The following KDM8 variants were observed in gnomAD, a reference collection of about 807,000 sequenced individuals.
KDM8 encodes bifunctional peptidase and arginyl-hydroxylase JMJD5.
A neutral mutation model predicts 46.9 loss-of-function variants in KDM8; 35 were observed. The observed-to-expected ratio is 0.75, with a 90% confidence interval of 0.57 to 0.99. KDM8 has a LOEUF of 0.99. Among genes scored for constraint, KDM8 ranks in the 50% least tolerant of loss-of-function variants. KDM8 has a pLI of 0.00. For missense variants in KDM8, 475 were observed against 537.0 expected (o/e 0.88, Z 1.14); for synonymous variants, 232 against 227.7 (o/e 1.02, Z -0.17).
chr16:27,217,712 C>T (rs955393037), intron 5 of KDM8, among the ~76,000 whole-genome samples: 1 of 152,218 alleles, frequency 6.6e-6, no homozygotes, highest in African/African-American at 2.4e-5. Context: ...CTGAAGTTAC[C>T]GTCACTGCTC....
rs932220741 is a variant in KDM8 at position 27,220,275 on chromosome 16, G to A, written c.994-118G>A. ...ACGTGGAACCATAAGCATGTGTGTG[G>A]TGGGGAAGGGCAGGCTGGGCCCAGG... On this transcript the variant is annotated intron_variant, in intron 6 of 7. Transcript: ENST00000286096. 3 of 805,522 alleles carry A rather than the reference G, an allele frequency of 3.7e-6. No homozygotes were observed. The African/African-American group carries it at 5.1e-5, about 14-fold the overall frequency. 49.9% of individuals were successfully genotyped at this position (805,522 alleles called of 1,614,324 possible).
chr16:27,214,606 G>T (rs1048294867), intron 3 of KDM8: 28 of 420,620 alleles, frequency 6.7e-5, no homozygotes, highest in Admixed American at 1.4e-4. Flanking sequence ...TGAGGAGGCT[G>T]TTGGCAAGCA....
intron 2 of KDM8, chr16:27,211,453 G>C (rs1305569586): frequency 3.6e-6 from 1 of 276,338 alleles, no homozygotes; most frequent in East Asian, 9.3e-5. Flanking sequence ...TACTCTGAAG[G>C]CTTCAGGTCC....
chr16:27,210,161 C>T lies in KDM8; in HGVS notation c.38C>T (p.Ala13Val), dbSNP rs562440738. Reference protein sequence around the residue: ...GDTHCPAEPLAREGTLWEALR... With the variant: ...GDTHCPAEPLVREGTLWEALR... ...ACCCACTGCCCCGCAGAGCCCCTGGCCAGAGAAGGCACTTTATGGGAGGCC... is the reference window on the plus strand; with the variant it reads ...ACCCACTGCCCCGCAGAGCCCCTGGTCAGAGAAGGCACTTTATGGGAGGCC... The change falls in exon 2 of 8, where the codon GCC (alanine) becomes GTC (valine). Residue 13 changes from alanine (A) to valine (V), a missense_variant. Ala to Val is a moderately conservative substitution (Grantham distance 64). Transcript: ENST00000286096. The T allele has an allele frequency of 6.2e-7, 1 of 1,613,464 alleles. No individual in the cohort carries two copies. The highest frequency in any genetic ancestry group is 1.7e-5 in the Admixed American group (1 of 60,032).
intron 2 of KDM8, among the ~76,000 whole-genome samples, chr16:27,212,627 T>C (rs2083498030): frequency 6.6e-6 from 1 of 152,178 alleles, no homozygotes; most frequent in African/African-American, 2.4e-5. Flanking sequence ...CCAGCTACTC[T>C]GCAGGCTGAG....
intron 1 of KDM8, among the ~76,000 whole-genome samples, chr16:27,205,746 G>A (rs1308319935): frequency 1.3e-5 from 2 of 152,212 alleles, no homozygotes; most frequent in African/African-American, 2.4e-5. Context: ...GCAGAGGCAG[G>A]AGAATTGCTT....
At chr16:27,216,167 T>TG (rs1567265634) in intron 5 of KDM8, 178 bp downstream of exon 5, 2 of 649,600 alleles carry the variant, frequency 3.1e-6, no homozygotes, top group South Asian at 1.8e-5. Context: ...CAGGAAACAC[T>TG]GGGGGGTCGC....
In KDM8 at chr16:27,220,317, G is replaced by A. The variant is rs561749912; in HGVS notation, c.994-76G>A. The A allele has an allele frequency of 8.1e-6, 10 of 1,237,768 alleles. No individual in the cohort carries two copies. The South Asian group carries it at 9.6e-5, about 12-fold the overall frequency. The allele number at this position is 1,237,768 out of a possible 1,614,324, so 76.7% of individuals were successfully genotyped here. On this transcript the variant is annotated intron_variant, in intron 6 of 7. Transcript: ENST00000286096. ...GGGCCCAGGGAGCAGCATGTGGAAG[G>A]GCACAGAGGCCAGAGTGGGCTTGGG...
In KDM8 at chr16:27,210,108, AGCT is replaced by A; in HGVS notation, c.-14_-12del. On this transcript the variant is annotated 5_prime_UTR_variant, in exon 2 of 8. Transcript: ENST00000286096. ...ACCTCCCCAGGCACGGGACTGAACC[AGCT>A]GGTGGTGGCCCGATGGCTGGAGACA... 1 of 1,608,540 alleles carries A rather than the reference AGCT, an allele frequency of 6.2e-7. No individual in the cohort carries two copies. Among genetic ancestry groups the A allele is most frequent in the Non-Finnish European group, 8.5e-7 (1 of 1,177,456 alleles).
chr16:27,206,132 G>T (rs745641001), intron 1 of KDM8: 6 of 619,178 alleles, frequency 9.7e-6, no homozygotes, highest in African/African-American at 2.0e-5. Flanking sequence ...GCTCTCGAAG[G>T]CCAGTCTGTG....
rs149728125 is a variant in KDM8 at position 27,220,572 on chromosome 16, G to T, written c.1093G>T (p.Val365Leu). Residue 365 changes from valine (V) to leucine (L), a missense_variant, in exon 8 of 8, where the codon GTG becomes TTG. By Grantham distance (32) the Val-to-Leu change is conservative. Coordinates refer to ENST00000286096, the MANE Select transcript of KDM8 (RefSeq NM_024773.3). ...CGTCCTTTGCTTTCTTCAGGTTGAC[G>T]TGGAGAATCCCGACCTGGAAAAGTT... ...HLLHNTSQVD[V>L]ENPDLEKFPK... 3.1e-6 allele frequency: 5 copies of T among 1,614,050 alleles called. No homozygotes were observed. In the African/African-American group the frequency reaches 4.0e-5, roughly 13 times the overall value.
rs2083614370 is a variant in KDM8 at position 27,220,789 on chromosome 16, C to T, written c.*59C>T. On this transcript the variant is annotated 3_prime_UTR_variant, in exon 8 of 8. Coordinates refer to ENST00000286096, the MANE Select transcript of KDM8 (RefSeq NM_024773.3). ...ACAGCATTCATCTGTTCACTAATTT[C>T]CTGGGTCCTGGAATCTATAGAGACA... The T allele has an allele frequency of 1.3e-6, 2 of 1,583,560 alleles. No individual in the cohort carries two copies. The highest frequency in any genetic ancestry group is 1.7e-4 in the Middle Eastern group (1 of 6,000).
intron 1 of KDM8, chr16:27,204,090 A>G: frequency 6.5e-7 from 1 of 1,547,970 alleles, no homozygotes; most frequent in Non-Finnish European, 8.7e-7. Flanking sequence ...TCAGGTCCCA[A>G]ATATGAGCCG....
chr16:27,204,103 A>G, intron 1 of KDM8: 1 of 1,548,196 alleles, frequency 6.5e-7, no homozygotes, highest in Non-Finnish European at 8.7e-7. Context: ...ATGAGCCGCG[A>G]GAAATGCAGC....
Position 27,210,314 on chromosome 16 carries a change from G to A in KDM8, c.191G>A (p.Cys64Tyr), listed in dbSNP as rs1214749678. 1.2e-6 allele frequency: 2 copies of A among 1,613,338 alleles called. No homozygotes were observed. The highest frequency in any genetic ancestry group is 2.2e-5 in the South Asian group (2 of 91,090). Reference protein sequence around the residue: ...ELFYEGRRDECLQSSEVILDY... With the variant: ...ELFYEGRRDEYLQSSEVILDY... Reference sequence around the variant, plus strand: ...TTCTACGAGGGCAGGAGGGACGAGTGTCTGCAGAGCAGCGAGGTGATCCTG... The same window carrying A: ...TTCTACGAGGGCAGGAGGGACGAGTATCTGCAGAGCAGCGAGGTGATCCTG... The change falls in exon 2 of 8, where the codon TGT (cysteine) becomes TAT (tyrosine). Residue 64 changes from cysteine to tyrosine, a missense_variant. By Grantham distance (194) the Cys-to-Tyr change is radical. Coordinates refer to ENST00000286096, the MANE Select transcript of KDM8 (RefSeq NM_024773.3).
At chr16:27,206,018 T>G (rs2083425155) in intron 1 of KDM8, among the ~76,000 whole-genome samples, 1 of 152,218 alleles carries the variant, frequency 6.6e-6, no homozygotes, top group Non-Finnish European at 1.5e-5. Flanking sequence ...AGTTTTTTAC[T>G]GATGCAGACA....
rs537057069 is a variant in KDM8 at position 27,221,201 on chromosome 16, G to A, written c.*471G>A. 26 of 293,576 alleles carry A rather than the reference G, an allele frequency of 8.9e-5. No individual in the cohort carries two copies. The highest frequency in any genetic ancestry group is 2.7e-4 in the Admixed American group (6 of 22,126). The allele number at this position is 293,576 out of a possible 1,614,324, so 18.2% of individuals were successfully genotyped here. On this transcript the variant is annotated 3_prime_UTR_variant, in exon 8 of 8. Coordinates refer to ENST00000286096, the MANE Select transcript of KDM8 (RefSeq NM_024773.3). ...AGGCCAGTCCTCACTGCCGAGGGCC[G>A]AGAAGGCGGTGCCGAGCCCCTGCTG...
chr16:27,215,602 G>A (rs543995659), intron 4 of KDM8, among the ~76,000 whole-genome samples: 5 of 152,114 alleles, frequency 3.3e-5, no homozygotes, highest in Admixed American at 2.0e-4. Context: ...GACAGGATAG[G>A]ACAATTTATT....
rs764328453 is a variant in KDM8 at position 27,214,925 on chromosome 16, G to C, written c.715G>C (p.Val239Leu). 1.2e-6 allele frequency: 2 copies of C among 1,614,222 alleles called. No homozygotes were observed. The highest frequency in any genetic ancestry group is 4.5e-5 in the East Asian group (2 of 44,888). ...TGGCTGCCGAACTGTCCCAGTGGAA[G>C]TTGGTTCGAGGTACACAGATGAGGA... Reference protein sequence around the residue: ...IAGCRTVPVEVGSRYTDEEWS... With the variant: ...IAGCRTVPVELGSRYTDEEWS... The change falls in exon 4 of 8, where the codon GTT (valine) becomes CTT (leucine). Residue 239 changes from valine (V) to leucine (L), a missense_variant. By Grantham distance (32) the Val-to-Leu change is conservative. Transcript: ENST00000286096.
Sources: allele counts gnomAD v4.1 joint callset (sites outside exome capture counted in the v4.1 genomes callset), GRCh38; gene constraint gnomAD v4.1.1; transcripts MANE v1.5; gene names NCBI Gene and HGNC (gene_info 2026-07-23, HGNC 2026-07-21).